DAPK1: variants seen among roughly 807,000 people sequenced by gnomAD.
The protein encoded by DAPK1 is death associated protein kinase 1.
DAPK1 carries 56 observed loss-of-function variants against 144.9 expected under a neutral mutation model. The ratio of observed to expected loss-of-function variants is 0.39; its 90% CI spans 0.31 to 0.48. The LOEUF is 0.48. Among genes scored for constraint, DAPK1 ranks in the 20% least tolerant of loss-of-function variants. The pLI is 0.95. For missense variants in DAPK1, 1,454 were observed against 1,875.4 expected (o/e 0.78, Z 4.15); for synonymous variants, 690 against 749.0 (o/e 0.92, Z 1.29).
At chr9:87,685,814 A>G (rs945400093) in intron 20 of DAPK1, among the ~76,000 whole-genome samples, 4 of 152,244 alleles carry the variant, frequency 2.6e-5, no homozygotes, top group African/African-American at 9.6e-5. Flanking sequence ...CCTATCATAA[A>G]TGGGAACCCA....
chr9:87,675,634 GC>G (rs1422481329), intron 19 of DAPK1, among the ~76,000 whole-genome samples: 1 of 151,976 alleles, frequency 6.6e-6, no homozygotes, highest in Non-Finnish European at 1.5e-5. Flanking sequence ...TCTCCCGGCT[GC>G]TCAGACTGGA....
chr9:87,587,291 G>A (rs1285674073), intron 2 of DAPK1, among the ~76,000 whole-genome samples: 4 of 152,158 alleles, frequency 2.6e-5, no homozygotes, highest in African/African-American at 7.2e-5. Context: ...GTTCCCTTAG[G>A]TTATTTAAAT....
At chr9:87,612,192 G>A (rs147354906) in intron 3 of DAPK1, among the ~76,000 whole-genome samples, 4 of 152,264 alleles carry the variant, frequency 2.6e-5, no homozygotes, top group Admixed American at 6.5e-5. Context: ...TCTTACAATG[G>A]CAATTAAATC....
chr9:87,592,523 G>A (rs1828175046), intron 2 of DAPK1, among the ~76,000 whole-genome samples: 2 of 152,292 alleles, frequency 1.3e-5, no homozygotes, highest in South Asian at 4.1e-4. Flanking sequence ...CGCACAAATT[G>A]TATTTTATTT....
chr9:87,701,282 A>G (rs530325864), intron 24 of DAPK1, among the ~76,000 whole-genome samples: 3 of 152,228 alleles, frequency 2.0e-5, no homozygotes, highest in Non-Finnish European at 4.4e-5. Context: ...ACAAAGTCCA[A>G]AAATAAATGG....
At chr9:87,638,970 G>A (rs901265457) in intron 4 of DAPK1, among the ~76,000 whole-genome samples, 1 of 152,208 alleles carries the variant, frequency 6.6e-6, no homozygotes, top group Non-Finnish European at 1.5e-5. Flanking sequence ...GGAGGATGGA[G>A]AAATGGTGGA....
At chr9:87,632,619 G>C (rs1025274660) in intron 3 of DAPK1, 1 of 981,554 alleles carries the variant, frequency 1.0e-6, no homozygotes, top group African/African-American at 1.8e-5. Context: ...AATGAAGGGT[G>C]ATCAGTATAT....
chr9:87,534,610 T>G (rs924752490), intron 2 of DAPK1, among the ~76,000 whole-genome samples: 3 of 152,122 alleles, frequency 2.0e-5, no homozygotes, highest in African/African-American at 7.2e-5. Flanking sequence ...TTAGATACCC[T>G]TATTTTTAAA....
At chr9:87,640,536 C>T (rs2119134408) in intron 8 of DAPK1, 86 bp downstream of exon 8, 1 of 1,421,172 alleles carries the variant, frequency 7.0e-7, no homozygotes, top group Admixed American at 2.1e-5. Context: ...GGGCCACGTT[C>T]CTCAGACCCT....
intron 18 of DAPK1, among the ~76,000 whole-genome samples, chr9:87,663,906 A>G (rs1051503106): frequency 5.3e-5 from 8 of 151,680 alleles, no homozygotes; most frequent in African/African-American, 1.9e-4. Context: ...ACCTATTTGC[A>G]TCTAGCCGGC....
chr9:87,498,419 C>G (rs1424092070), intron 1 of DAPK1: 1 of 312,894 alleles, frequency 3.2e-6, no homozygotes. Flanking sequence ...GGCCGCACGC[C>G]GGGTCGGCCG....
At chr9:87,511,090 A>G (rs1321541852) in intron 2 of DAPK1, among the ~76,000 whole-genome samples, 2 of 152,114 alleles carry the variant, frequency 1.3e-5, no homozygotes, top group Admixed American at 6.5e-5. Flanking sequence ...AGTGCGGGTG[A>G]GGGCTCACTT....
intron 19 of DAPK1, among the ~76,000 whole-genome samples, chr9:87,672,272 T>C (rs729958): frequency 0.44 from 67,396 of 152,032 alleles, 17,306 homozygotes; most frequent in South Asian, 0.63. Context: ...TCAGTGTGTG[T>C]GGTGGGCACT....
chr9:87,645,800 C>T (rs1830246615), intron 11 of DAPK1, 95 bp from the exon 12 acceptor site: 1 of 1,471,104 alleles, frequency 6.8e-7, no homozygotes, highest in Non-Finnish European at 9.3e-7. Context: ...CTCTGAATGC[C>T]CCTGTTAACA....
intron 2 of DAPK1, among the ~76,000 whole-genome samples, chr9:87,508,134 C>T (rs2118070124): frequency 6.6e-6 from 1 of 152,036 alleles, no homozygotes; most frequent in East Asian, 1.9e-4. Context: ...GCCTCAGCCT[C>T]CTGAGTAGCT....
At chr9:87,520,716 G>A (rs1169701368) in intron 2 of DAPK1, among the ~76,000 whole-genome samples, 1 of 152,146 alleles carries the variant, frequency 6.6e-6, no homozygotes, top group Admixed American at 6.5e-5. Context: ...TAAGCTTGAG[G>A]CAGCAGAGTT....
chr9:87,682,011 A>G (rs1307020866), intron 20 of DAPK1, among the ~76,000 whole-genome samples: 1 of 152,238 alleles, frequency 6.6e-6, no homozygotes, highest in Non-Finnish European at 1.5e-5. Context: ...GTCCAAGCAT[A>G]GCACAGATCC....
intron 2 of DAPK1, among the ~76,000 whole-genome samples, chr9:87,560,892 C>T (rs1826890302): frequency 6.6e-6 from 1 of 152,044 alleles, no homozygotes; most frequent in Non-Finnish European, 1.5e-5. Flanking sequence ...TCTTGAACTC[C>T]TGACCTCAGG....
At chr9:87,643,350 T>A in intron 10 of DAPK1, 26 bp from the exon 11 acceptor site, 1 of 1,274,682 alleles carries the variant, frequency 7.8e-7, no homozygotes, top group South Asian at 1.4e-5. Flanking sequence ...GCCCTCCCTT[T>A]TTTTTTTTTT....
Sources: allele counts gnomAD v4.1 joint callset (sites outside exome capture counted in the v4.1 genomes callset), GRCh38; gene constraint gnomAD v4.1.1; transcripts MANE v1.5; gene names NCBI Gene and HGNC (gene_info 2026-07-23, HGNC 2026-07-21).